Variants in GRM5 observed in about 807,000 individuals in gnomAD.
GRM5 encodes metabotropic glutamate receptor 5.
A neutral mutation model predicts 83.1 loss-of-function variants in GRM5; 19 were observed. That is an observed-to-expected ratio of 0.23 (90% CI 0.16 to 0.34). The LOEUF (loss-of-function observed/expected upper bound fraction) is 0.34. GRM5 is among the 10% of genes least tolerant of loss of function. The pLI is 1.00. For synonymous variants in GRM5, 675 were observed against 633.6 expected, an observed-to-expected ratio of 1.07 and a Z score of -0.98; for missense variants, 1,160 against 1,588.3, an observed-to-expected ratio of 0.73 and a Z score of 4.58.
intron 3 of GRM5, among the ~76,000 whole-genome samples, chr11:88,679,371 T>G (rs529119155): frequency 6.6e-6 from 1 of 152,148 alleles, no homozygotes; most frequent in Non-Finnish European, 1.5e-5. Context: ...ATTATGAGAT[T>G]TATTTTAAGT....
At chr11:88,965,397 A>G (rs565534934) in intron 2 of GRM5, among the ~76,000 whole-genome samples, 4 of 152,252 alleles carry the variant, frequency 2.6e-5, no homozygotes, top group Admixed American at 2.6e-4. Context: ...GAATTAGGTC[A>G]TGAACTCCAT....
chr11:88,753,656 A>C (rs533189746), intron 3 of GRM5, among the ~76,000 whole-genome samples: 1 of 152,342 alleles, frequency 6.6e-6, no homozygotes, highest in South Asian at 2.1e-4. Context: ...ACAGTAGCAA[A>C]GACATGGAAT....
intron 3 of GRM5, among the ~76,000 whole-genome samples, chr11:88,751,540 G>C (rs958464730): frequency 1.3e-5 from 2 of 152,122 alleles, no homozygotes; most frequent in Non-Finnish European, 2.9e-5. Context: ...AGAAGAGCTG[G>C]TACTATTTCT....
intron 4 of GRM5, among the ~76,000 whole-genome samples, chr11:88,645,130 CTCTGAACCCGT>C (rs1258887361): frequency 3.3e-5 from 5 of 152,100 alleles, no homozygotes; most frequent in African/African-American, 1.2e-4. Context: ...TTTTACATTG[CTCTGAACCCGT>C]TCATTTAATC....
At chr11:88,926,922 T>G (rs2135639525) in intron 2 of GRM5, among the ~76,000 whole-genome samples, 1 of 152,306 alleles carries the variant, frequency 6.6e-6, no homozygotes, top group Non-Finnish European at 1.5e-5. Context: ...AATTATTTGA[T>G]AATTATATTT....
At chr11:88,552,701 A>G (rs1013639234) in intron 8 of GRM5, among the ~76,000 whole-genome samples, 3 of 152,178 alleles carry the variant, frequency 2.0e-5, no homozygotes, top group Non-Finnish European at 2.9e-5. Flanking sequence ...AAAACAGTCC[A>G]TAGACTGTTG....
chr11:88,989,141 G>A (rs1277283045), intron 2 of GRM5, among the ~76,000 whole-genome samples: 9 of 149,764 alleles, frequency 6.0e-5, no homozygotes, highest in Admixed American at 2.0e-4. Flanking sequence ...ACACACATAG[G>A]CTCAAAATAA....
intron 8 of GRM5, among the ~76,000 whole-genome samples, chr11:88,552,020 T>C (rs1313501130): frequency 2.1e-5 from 3 of 144,050 alleles, no homozygotes; most frequent in African/African-American, 8.4e-5. Flanking sequence ...TTTCCAACTT[T>C]TAAATGTCAC....
At position 88,840,128 on chromosome 11, in the gene GRM5, A is replaced by G. The variant is rs58400612; in HGVS notation, c.911+9778T>C. On this transcript the variant is annotated intron_variant, in intron 3 of 9. Transcript: ENST00000305447. ...AGGCACACTTAGTTTAACTTAACACATTTAAGGAAATGCATTTTTGCCTTT... is the reference window on the plus strand; with the variant it reads ...AGGCACACTTAGTTTAACTTAACACGTTTAAGGAAATGCATTTTTGCCTTT... Among the ~76,000 whole-genome samples the G allele has an allele frequency of 1.5e-3, 229 of 152,270 alleles. 1 individual carries two copies. Among genetic ancestry groups the G allele is most frequent in the African/African-American group, 5.1e-3 (214 of 41,556 alleles).
chr11:89,046,987 A>T (rs937708073), intron 2 of GRM5, among the ~76,000 whole-genome samples: 2 of 152,234 alleles, frequency 1.3e-5, no homozygotes, highest in Non-Finnish European at 2.9e-5. Context: ...ATTCACAATG[A>T]AAACAAAATT....
intron 3 of GRM5, among the ~76,000 whole-genome samples, chr11:88,778,688 T>G (rs531800594): frequency 2.9e-4 from 44 of 152,344 alleles, no homozygotes; most frequent in Non-Finnish European, 2.5e-4. Flanking sequence ...TAGACAACAT[T>G]GGTCTAGTCT....
At chr11:88,600,275 T>TC in intron 5 of GRM5, among the ~76,000 whole-genome samples, 1 of 137,400 alleles carries the variant, frequency 7.3e-6, no homozygotes, top group African/African-American at 3.3e-5. Context: ...TTCCTCCTGC[T>TC]CCTTCTCCCT....
At chr11:89,020,193 T>C (rs997885907) in intron 2 of GRM5, among the ~76,000 whole-genome samples, 33 of 152,222 alleles carry the variant, frequency 2.2e-4, no homozygotes, top group African/African-American at 7.2e-4. Flanking sequence ...AGTGTACAAG[T>C]GAAAGTCTCA....
At chr11:88,988,321 A>T (rs2135040288) in intron 2 of GRM5, among the ~76,000 whole-genome samples, 1 of 150,960 alleles carries the variant, frequency 6.6e-6, no homozygotes, top group South Asian at 2.1e-4. Flanking sequence ...AAAAGAATAA[A>T]AAGAAATGAG....
intron 7 of GRM5, among the ~76,000 whole-genome samples, chr11:88,590,210 C>T (rs994501055): frequency 6.6e-6 from 1 of 152,106 alleles, no homozygotes. Flanking sequence ...CTGCCCAATT[C>T]GGTGATATCT....
intron 5 of GRM5, among the ~76,000 whole-genome samples, chr11:88,600,365 T>C (rs1479959128): frequency 3.4e-5 from 5 of 146,652 alleles, no homozygotes; most frequent in Admixed American, 6.8e-5. Context: ...TCTTGGTTTC[T>C]ATATTTCTCT....
intron 3 of GRM5, among the ~76,000 whole-genome samples, chr11:88,779,259 A>T (rs1436989979): frequency 6.6e-6 from 1 of 152,238 alleles, no homozygotes; most frequent in African/African-American, 2.4e-5. Context: ...TGTAAGGATT[A>T]TTTAGCCTTT....
At chr11:88,752,843 A>G (rs1369415647) in intron 3 of GRM5, among the ~76,000 whole-genome samples, 1 of 152,214 alleles carries the variant, frequency 6.6e-6, no homozygotes, top group Non-Finnish European at 1.5e-5. Context: ...CCTGACAAAA[A>G]ACAGTAATGG....
rs71046278 is a variant in GRM5, at chr11:89,065,286, T to TCACACACA, written c.-201+482_-201+489dup. ...TGCCTTTCGTGCACATGTATTGGCA[T>TCACACACA]CACACACACACACACACACACACAC... is the stretch of plus-strand genomic sequence containing the variant. On this transcript the variant is annotated intron_variant, in intron 1 of 9. Coordinates refer to ENST00000305447, the MANE Select transcript of GRM5 (RefSeq NM_001143831.3). Among the ~76,000 whole-genome samples the TCACACACA allele has an allele frequency of 9.8e-3, 1,444 of 147,446 alleles. 9 individuals are homozygous for TCACACACA. Among genetic ancestry groups the TCACACACA allele is most frequent in the Non-Finnish European group, 0.012 (780 of 67,058 alleles).
Sources: allele counts gnomAD v4.1 joint callset (sites outside exome capture counted in the v4.1 genomes callset), GRCh38; gene constraint gnomAD v4.1.1; transcripts MANE v1.5; gene names NCBI Gene and HGNC (gene_info 2026-07-23, HGNC 2026-07-21).